Variants in SLC38A8 observed in about 807,000 individuals in gnomAD.
SLC38A8 encodes the protein solute carrier family 38 member 8.
In SLC38A8, 65 loss-of-function variants were observed where a neutral mutation model predicts 46.0. The observed-to-expected ratio is 1.41, with a 90% CI of 1.16 to 1.74. The LOEUF is 1.74. SLC38A8 is among the 40% of genes most tolerant of loss of function. The probability of loss-of-function intolerance (pLI) is 0.00; values close to 1 mark genes in which losing one functional copy is unlikely to be tolerated. For missense variants in SLC38A8, 998 were observed against 567.9 expected (o/e 1.76, Z -7.70); for synonymous variants, 447 against 243.7 (o/e 1.83, Z -7.77).
At chr16:84,019,128 G>A (rs2085067071) in intron 7 of SLC38A8, among the ~76,000 whole-genome samples, 1 of 151,186 alleles carries the variant, frequency 6.6e-6, no homozygotes, top group East Asian at 1.9e-4. Flanking sequence ...AGGCTGGATT[G>A]CAGTGGCACA....
chr16:84,011,560 C>G (rs2084953661), intron 10 of SLC38A8, among the ~76,000 whole-genome samples: 1 of 152,204 alleles, frequency 6.6e-6, no homozygotes, highest in Non-Finnish European at 1.5e-5. Context: ...TTAACATTAT[C>G]TGGGATGGGG....
rs189649981 is a variant in SLC38A8, at chr16:84,039,680, G to T, written c.189+2289C>A. Among the ~76,000 whole-genome samples the T allele has an allele frequency of 4.0e-5, 6 of 151,202 alleles. No individual in the cohort carries two copies. In the East Asian group the frequency reaches 1.2e-3, roughly 30 times the overall value. On this transcript the variant is annotated intron_variant, in intron 2 of 10. Transcript: ENST00000299709. ...GGAGAATCGCTTGAACCAGGGAGGC[G>T]GAGGTTGCAGTGAGCTGAGATCACG...
intron 10 of SLC38A8, among the ~76,000 whole-genome samples, chr16:84,010,542 G>T (rs1406929825): frequency 6.6e-6 from 1 of 152,004 alleles, no homozygotes; most frequent in African/African-American, 2.4e-5. Context: ...ATGAATTCAA[G>T]ACCAGCCTGG....
chr16:84,013,592 C>A (rs187648052), intron 9 of SLC38A8, among the ~76,000 whole-genome samples: 1 of 151,730 alleles, frequency 6.6e-6, no homozygotes, highest in East Asian at 1.9e-4. Context: ...CACCACACCC[C>A]GCTCATTTTT....
At chr16:84,041,071 A>G (rs1180718575) in intron 2 of SLC38A8, 2 of 152,284 alleles carry the variant, frequency 1.3e-5, no homozygotes, top group African/African-American at 4.8e-5. Context: ...GCTTACCACA[A>G]AATGCAGCAA....
intron 6 of SLC38A8, among the ~76,000 whole-genome samples, chr16:84,024,047 G>A (rs932954758): frequency 6.6e-6 from 1 of 152,230 alleles, no homozygotes; most frequent in Non-Finnish European, 1.5e-5. Context: ...GTGTGTTTGG[G>A]GTGGGGGTGT....
rs2084981390 is a variant in SLC38A8, at chr16:84,013,438, T to TTTG, written c.1163-387_1163-386insCAA. Reference sequence around the variant, plus strand: ...GTTGTGTGTGTGTTTTTTTTTTTTTTTTTTTTTTTTTGAGACGGAGTCTCA... The same window carrying TTTG: ...GTTGTGTGTGTGTTTTTTTTTTTTTTTTGTTTTTTTTTTTGAGACGGAGTCTCA... On this transcript the variant is annotated intron_variant, in intron 9 of 10. Transcript: ENST00000299709. Among the ~76,000 whole-genome samples the TTTG allele has an allele frequency of 1.5e-5, 2 of 131,204 alleles. 1 individual carries two copies. Among genetic ancestry groups the TTTG allele is most frequent in the African/African-American group, 6.8e-5 (2 of 29,426 alleles). 86.1% of individuals were successfully genotyped at this position (131,204 alleles called of 152,430 possible). A position where few individuals can be genotyped will look rare whatever the true frequency, so the allele number is the denominator to read the frequency against.
intron 6 of SLC38A8, among the ~76,000 whole-genome samples, chr16:84,026,050 C>G (rs1489051975): frequency 6.6e-6 from 1 of 152,268 alleles, no homozygotes; most frequent in Non-Finnish European, 1.5e-5. Context: ...ATGGCAGGCT[C>G]TGCCTTCAGG....
chr16:84,028,174 C>T (rs1180658185), intron 6 of SLC38A8, among the ~76,000 whole-genome samples: 1 of 151,918 alleles, frequency 6.6e-6, no homozygotes, highest in African/African-American at 2.4e-5. Flanking sequence ...GGTGGTAAAC[C>T]CTGGACACAT....
Position 84,031,923 on chromosome 16 carries a change from G to T in SLC38A8, c.576C>A (p.Thr192=), listed in dbSNP as rs750021897. The change falls in exon 5 of 11, where the codon ACC becomes ACA. Residue 192 remains threonine (T), a synonymous_variant. Transcript: ENST00000299709. The part of the protein sequence containing the change: ...LAACYLALVI[T]VQYYLWPQGL... ...CCTGGGGCCAGAGGTAGTACTGCAC[G>T]GTGATGACCAGGGCCAGGTAACAGG... 7 of 1,614,218 alleles carry T rather than the reference G, an allele frequency of 4.3e-6. No homozygotes were observed. Among genetic ancestry groups the T allele is most frequent in the South Asian group, 2.2e-5 (2 of 91,086 alleles).
intron 10 of SLC38A8, among the ~76,000 whole-genome samples, chr16:84,011,819 G>C (rs937805624): frequency 1.3e-5 from 2 of 152,178 alleles, no homozygotes; most frequent in African/African-American, 4.8e-5. Context: ...AGGGGGTTGA[G>C]GCTGTAGTGA....
At chr16:84,017,579 C>A (rs573402019) in intron 7 of SLC38A8, among the ~76,000 whole-genome samples, 58 of 152,312 alleles carry the variant, frequency 3.8e-4, no homozygotes, top group Admixed American at 7.8e-4. Flanking sequence ...AAGCACAGAG[C>A]ACTTTGAAAA....
intron 3 of SLC38A8, among the ~76,000 whole-genome samples, chr16:84,034,034 TG>T (rs1205624225): frequency 1.3e-5 from 2 of 152,104 alleles, no homozygotes; most frequent in Non-Finnish European, 2.9e-5. Flanking sequence ...TGAGGTTGCT[TG>T]GGGGGTCTCT....
At chr16:84,016,040 G>A (rs1228675170) in intron 9 of SLC38A8, among the ~76,000 whole-genome samples, 3 of 151,906 alleles carry the variant, frequency 2.0e-5, no homozygotes, top group Non-Finnish European at 2.9e-5. Flanking sequence ...CATGGCTGAG[G>A]AGGCCTCACA....
intron 7 of SLC38A8, among the ~76,000 whole-genome samples, chr16:84,021,440 T>C (rs2085095296): frequency 6.6e-6 from 1 of 152,226 alleles, no homozygotes; most frequent in Non-Finnish European, 1.5e-5. Context: ...ATTTGCCAGC[T>C]TCTAACAGGT....
intron 9 of SLC38A8, among the ~76,000 whole-genome samples, chr16:84,013,291 C>G (rs1012600101): frequency 3.9e-5 from 6 of 152,100 alleles, no homozygotes; most frequent in African/African-American, 1.4e-4. Context: ...TCCCAGAGCC[C>G]CATCTTTCAG....
intron 6 of SLC38A8, among the ~76,000 whole-genome samples, chr16:84,024,497 G>C (rs565403474): frequency 2.0e-5 from 3 of 152,036 alleles, no homozygotes; most frequent in African/African-American, 7.2e-5. Flanking sequence ...AATTTTAAAC[G>C]CAGGAGGGAG....
At position 84,031,888 on chromosome 16, in the gene SLC38A8, C is replaced by G. The variant is rs373511908; in HGVS notation, c.611G>C (p.Arg204Pro). 6.2e-7 allele frequency: 1 copy of G among 1,614,106 alleles called. No individual in the cohort carries two copies. Among genetic ancestry groups the G allele is most frequent in the Non-Finnish European group, 8.5e-7 (1 of 1,179,996 alleles). Reference protein sequence around the residue: ...QYYLWPQGLVRESHPSLSPAS... With the variant: ...QYYLWPQGLVPESHPSLSPAS... ...TTACCTCAGTGAAGGATGGGACTCA[C>G]GCACGAGGCCCTGGGGCCAGAGGTA... The change falls in exon 5 of 11, where the codon CGT becomes CCT. Residue 204 changes from arginine to proline, a missense_variant. Physicochemically the swap from Arg to Pro is moderately radical, Grantham distance 103. Transcript: ENST00000299709.
intron 7 of SLC38A8, among the ~76,000 whole-genome samples, chr16:84,018,636 C>T (rs551970294): frequency 6.6e-6 from 1 of 152,284 alleles, no homozygotes; most frequent in Non-Finnish European, 1.5e-5. Flanking sequence ...GGCTGTTCAG[C>T]TGGACCTAGA....
Sources: gnomAD v4.1 joint callset for allele counts (sites outside exome capture counted in the v4.1 genomes callset) on GRCh38, gnomAD v4.1.1 for gene constraint, MANE v1.5 for transcripts, NCBI Gene and HGNC (gene_info 2026-07-23, HGNC 2026-07-21) for gene names.